The following MTCL2 variants were observed in gnomAD, a reference collection of about 807,000 sequenced individuals.
MTCL2 encodes microtubule crosslinking factor 2.
the MTCL2 span, chr20:36,783,864 C>T: frequency 1.0e-6 from 1 of 985,260 alleles, no homozygotes; most frequent in African/African-American, 1.7e-5. Flanking sequence ...ATGCTAAAAA[C>T]CGAACCAAAC....
the MTCL2 span, chr20:36,829,151 G>T: frequency 6.2e-7 from 1 of 1,605,998 alleles, no homozygotes; most frequent in Non-Finnish European, 8.5e-7. Flanking sequence ...CTCCAGCCGC[G>T]CCCGTTTCTT....
chr20:36,797,515 T>A, the MTCL2 span: 1 of 1,554,642 alleles, frequency 6.4e-7, no homozygotes, highest in East Asian at 2.4e-5. Context: ...CTTCCAGCTG[T>A]TGTCCTGCTT....
At chr20:36,797,673 C>G in the MTCL2 span, 1 of 1,111,430 alleles carries the variant, frequency 9.0e-7, no homozygotes, top group South Asian at 1.4e-5. Context: ...CTGCAGCCCA[C>G]AGAACCTACA....
chr20:36,827,797 C>T, the MTCL2 span, among the ~76,000 whole-genome samples: 3 of 152,150 alleles, frequency 2.0e-5, no homozygotes, highest in Admixed American at 2.0e-4. Context: ...GTACCGTGAC[C>T]TTAAGATGCT....
At chr20:36,853,723 G>A in the MTCL2 span, among the ~76,000 whole-genome samples, 1 of 151,816 alleles carries the variant, frequency 6.6e-6, no homozygotes, top group African/African-American at 2.4e-5. Flanking sequence ...GTGTGTGTGT[G>A]TGTGTGTGTG....
chr20:36,824,386 T>C, the MTCL2 span, among the ~76,000 whole-genome samples: 2 of 152,120 alleles, frequency 1.3e-5, no homozygotes, highest in African/African-American at 4.8e-5. Flanking sequence ...GGATAAACCT[T>C]GAAAACCTGA....
chr20:36,822,759 C>CTTT, the MTCL2 span, among the ~76,000 whole-genome samples: 1 of 141,314 alleles, frequency 7.1e-6, no homozygotes, highest in Non-Finnish European at 1.6e-5. Flanking sequence ...ACTCTAGATT[C>CTTT]TTTTTTTTTT....
At chr20:36,841,745 C>G in the MTCL2 span, among the ~76,000 whole-genome samples, 2 of 152,140 alleles carry the variant, frequency 1.3e-5, no homozygotes, top group Non-Finnish European at 2.9e-5. Context: ...GTCACCCAGG[C>G]TGGAGTGCGG....
At chr20:36,844,262 A>T in the MTCL2 span, among the ~76,000 whole-genome samples, 1 of 150,520 alleles carries the variant, frequency 6.6e-6, no homozygotes, top group Non-Finnish European at 1.5e-5. Flanking sequence ...AAATAAAATA[A>T]AATAAAGCAC....
chr20:36,804,788 C>T, the MTCL2 span: 1 of 1,613,948 alleles, frequency 6.2e-7, no homozygotes, highest in Non-Finnish European at 8.5e-7. Flanking sequence ...GTAGCCTTGG[C>T]CTTGGCAAAC....
chr20:36,802,315 A>C, the MTCL2 span, among the ~76,000 whole-genome samples: 5 of 152,172 alleles, frequency 3.3e-5, no homozygotes, highest in South Asian at 2.1e-4. Context: ...AAAGTGAAAG[A>C]AAGGGAAAAG....
chr20:36,859,591 C>A, the MTCL2 span: 6 of 1,231,024 alleles, frequency 4.9e-6, no homozygotes, highest in Non-Finnish European at 6.1e-6. Flanking sequence ...GTAGAAGCTC[C>A]TTCTATCTTC....
At chr20:36,847,393 G>C in the MTCL2 span, among the ~76,000 whole-genome samples, 2 of 152,172 alleles carry the variant, frequency 1.3e-5, no homozygotes, top group Non-Finnish European at 2.9e-5. Flanking sequence ...ATGGTCCGTT[G>C]TGCTGGTAAT....
chr20:36,859,482 A>G, the MTCL2 span: 1 of 862,034 alleles, frequency 1.2e-6, no homozygotes, highest in Non-Finnish European at 1.5e-6. Flanking sequence ...ACCCTTCTCA[A>G]GCAATCATTC....
chr20:36,823,066 G>A, the MTCL2 span, among the ~76,000 whole-genome samples: 1 of 152,196 alleles, frequency 6.6e-6, no homozygotes, highest in Non-Finnish European at 1.5e-5. Flanking sequence ...GCCTACTGTA[G>A]ATTCTAGAAG....
At chr20:36,852,131 G>A in the MTCL2 span, among the ~76,000 whole-genome samples, 1 of 152,186 alleles carries the variant, frequency 6.6e-6, no homozygotes, top group Non-Finnish European at 1.5e-5. Flanking sequence ...ACAGAGCTGA[G>A]CTGAGAGGCC....
chr20:36,853,566 A>G, the MTCL2 span, among the ~76,000 whole-genome samples: 1 of 152,256 alleles, frequency 6.6e-6, no homozygotes, highest in Admixed American at 6.5e-5. Context: ...CACTATTATT[A>G]TTTTATCCCC....
chr20:36,848,789 A>G, the MTCL2 span, among the ~76,000 whole-genome samples: 1 of 152,208 alleles, frequency 6.6e-6, no homozygotes, highest in Non-Finnish European at 1.5e-5. Context: ...ACCTCTAAGT[A>G]AAATGTAGCA....
At chr20:36,784,215 GGCCCCCCT>G in the MTCL2 span, 1 of 986,298 alleles carries the variant, frequency 1.0e-6, no homozygotes, top group African/African-American at 1.7e-5. Flanking sequence ...AACCTTGGAG[GGCCCCCCT>G]GACCTCATGG....
Sources: allele counts gnomAD v4.1 joint callset (sites outside exome capture counted in the v4.1 genomes callset), GRCh38; gene constraint gnomAD v4.1.1; transcripts MANE v1.5; gene names NCBI Gene and HGNC (gene_info 2026-07-23, HGNC 2026-07-21).